The following MOB3A variants were observed in gnomAD, a reference collection of about 807,000 sequenced individuals.
MOB3A encodes MOB LAK.
MOB3A carries 17 observed loss-of-function variants against 17.8 expected under a neutral mutation model. The ratio of observed to expected loss-of-function variants is 0.95; its 90% CI spans 0.65 to 1.43. The LOEUF is 1.43. MOB3A is among the 40% of genes most tolerant of loss of function. The probability of loss-of-function intolerance (pLI) is 0.00; values close to 1 mark genes in which losing one functional copy is unlikely to be tolerated. For missense variants in MOB3A, 333 were observed against 310.8 expected (o/e 1.07, Z -0.54); for synonymous variants, 124 against 133.2 (o/e 0.93, Z 0.48).
chr19:2,073,431 A>G lies in MOB3A; in HGVS notation c.625-7T>C, dbSNP rs778716035. On this transcript the variant is annotated splice_region_variant and splice_polypyrimidine_tract_variant and intron_variant, in intron 4 of 4. Coordinates refer to ENST00000357066, the MANE Select transcript of MOB3A (RefSeq NM_130807.3). Reference sequence around the variant, plus strand: ...TCCGGGCGGTCATTTCTTTCTGTAAAGAGCAAGCAAGACATCAGCTCCCAC... The same window carrying G: ...TCCGGGCGGTCATTTCTTTCTGTAAGGAGCAAGCAAGACATCAGCTCCCAC... 1.9e-6 allele frequency: 3 copies of G among 1,613,776 alleles called. No homozygotes were observed. In the African/African-American group the frequency reaches 4.0e-5, roughly 22 times the overall value.
At position 2,093,904 on chromosome 19, in the gene MOB3A, T is replaced by C. The variant is rs908075390; in HGVS notation, c.-274+2322A>G. ...TAGTTCTCACTCTGTAATCGGTAGA[T>C]CTCAGTGAGTTCTAATAAACAGGTC... is the stretch of plus-strand genomic sequence containing the variant. On this transcript the variant is annotated intron_variant, in intron 1 of 4. Coordinates refer to ENST00000357066, the MANE Select transcript of MOB3A (RefSeq NM_130807.3). The surrounding 1 kb of genome is among the most constrained non-coding windows in gnomAD (Gnocchi z 4.6). Among the ~76,000 whole-genome samples the C allele has an allele frequency of 1.3e-5, 2 of 152,106 alleles. No individual in the cohort carries two copies. The highest frequency in any genetic ancestry group is 2.9e-5 in the Non-Finnish European group (2 of 68,016).
At position 2,085,367 on chromosome 19, in the gene MOB3A, G is replaced by A. The variant is rs549169840; in HGVS notation, c.-273-39C>T. The A allele has an allele frequency of 9.9e-4, 149 of 150,618 alleles. 1 individual carries two copies. Among genetic ancestry groups the A allele is most frequent in the African/African-American group, 3.4e-3 (138 of 41,090 alleles). 9.3% of individuals were successfully genotyped at this position (150,618 alleles called of 1,614,324 possible). A position where few individuals can be genotyped will look rare whatever the true frequency, so the allele number is the denominator to read the frequency against. On this transcript the variant is annotated intron_variant, in intron 1 of 4. Coordinates refer to ENST00000357066, the MANE Select transcript of MOB3A (RefSeq NM_130807.3). The stretch of plus-strand genomic sequence containing the variant: ...AGGTGAAATGACAAATTCCCCTGCT[G>A]CAACACTTTTTTTTTTTTTTTTTTT...
intron 1 of MOB3A, among the ~76,000 whole-genome samples, chr19:2,088,268 G>C (rs752875128): frequency 5.3e-5 from 8 of 152,172 alleles, no homozygotes; most frequent in Non-Finnish European, 1.2e-4. Context: ...AGCTTGTCCT[G>C]CGAGTGGCAA....
chr19:2,075,974 T>C (rs369600435), intron 4 of MOB3A, among the ~76,000 whole-genome samples: 2 of 151,814 alleles, frequency 1.3e-5, no homozygotes, highest in South Asian at 2.1e-4. Flanking sequence ...AATACAAAAA[T>C]TAGCGGGGTG....
At chr19:2,090,818 CG>C (rs2017605608) in intron 1 of MOB3A, among the ~76,000 whole-genome samples, 1 of 152,058 alleles carries the variant, frequency 6.6e-6, no homozygotes. Flanking sequence ...TGCCTGCAAC[CG>C]TGCTCAGCTA....
rs148051183 is a variant in MOB3A at position 2,073,220 on chromosome 19, G to T, written c.*175C>A. ...AGACTGAGGCTCGAGACTGAGGAAGGCATCTGCCGTCCGGGGTTGGAGCTC... is the reference window on the plus strand; with the variant it reads ...AGACTGAGGCTCGAGACTGAGGAAGTCATCTGCCGTCCGGGGTTGGAGCTC... On this transcript the variant is annotated 3_prime_UTR_variant, in exon 5 of 5. Transcript: ENST00000357066. The T allele has an allele frequency of 1.1e-5, 8 of 705,252 alleles. No individual in the cohort carries two copies. Among genetic ancestry groups the T allele is most frequent in the African/African-American group, 8.8e-5 (5 of 56,758 alleles). 43.7% of individuals were successfully genotyped at this position (705,252 alleles called of 1,614,324 possible).
chr19:2,086,472 T>C (rs1258785125), intron 1 of MOB3A, among the ~76,000 whole-genome samples: 1 of 151,540 alleles, frequency 6.6e-6, no homozygotes. Flanking sequence ...GCGATTCTCC[T>C]GGTCAGCCTC....
chr19:2,083,196 A>G (rs1290917986), intron 2 of MOB3A, among the ~76,000 whole-genome samples: 1 of 151,924 alleles, frequency 6.6e-6, no homozygotes, highest in Non-Finnish European at 1.5e-5. Context: ...CCAGCCTCAG[A>G]CCCTCCCTGG....
chr19:2,093,630 A>G lies in MOB3A; in HGVS notation c.-274+2596T>C, dbSNP rs1440582094. 2.0e-5 allele frequency among the ~76,000 whole-genome samples: 3 copies of G among 152,146 alleles called. No individual in the cohort carries two copies. The highest frequency in any genetic ancestry group is 2.9e-5 in the Non-Finnish European group (2 of 68,016). On this transcript the variant is annotated intron_variant, in intron 1 of 4. Coordinates refer to ENST00000357066, the MANE Select transcript of MOB3A (RefSeq NM_130807.3). This position sits in a 1 kb window ranked among gnomAD's most constrained non-coding sequence, Gnocchi z 4.6. ...CCAAAGTGCTGGGATTACAGGTATG[A>G]GCCACCCGCACCTGGCCAGCACATC...
rs113523502 is a variant in MOB3A, at chr19:2,082,483, C to T, written c.-120+2692G>A. On this transcript the variant is annotated intron_variant, in intron 2 of 4. Coordinates refer to ENST00000357066, the MANE Select transcript of MOB3A (RefSeq NM_130807.3). The surrounding 1 kb of genome is among the most constrained non-coding windows in gnomAD (Gnocchi z 4.1). ...TGACTGATTCTACAGCAGTGTCTCA[C>T]GCCACAGAGCTAGTGGGTGGATCGG... 8.1e-4 allele frequency among the ~76,000 whole-genome samples: 123 copies of T among 152,336 alleles called. 1 individual carries two copies. Among genetic ancestry groups the T allele is most frequent in the African/African-American group, 2.8e-3 (115 of 41,576 alleles).
chr19:2,094,041 CTTTTTTTTTT>C (rs1012593196), intron 1 of MOB3A, among the ~76,000 whole-genome samples: 1 of 113,224 alleles, frequency 8.8e-6, no homozygotes, highest in South Asian at 2.9e-4. Flanking sequence ...TATGTAAGTT[CTTTTTTTTTT>C]TTTTTTTTTT....
rs1223738936 is a variant in MOB3A at position 2,073,312 on chromosome 19, G to A, written c.*83C>T. On this transcript the variant is annotated 3_prime_UTR_variant, in exon 5 of 5. Transcript: ENST00000357066. ...CCTGAGATGCTCAGGCCGGAGAGAAGCGGGATGATGGTTCCAGAGCGTCCT... is the reference window on the plus strand; with the variant it reads ...CCTGAGATGCTCAGGCCGGAGAGAAACGGGATGATGGTTCCAGAGCGTCCT... 2 of 1,548,348 alleles carry A rather than the reference G, an allele frequency of 1.3e-6. No homozygotes were observed. The highest frequency in any genetic ancestry group is 1.8e-6 in the Non-Finnish European group (2 of 1,126,232).
At chr19:2,087,953 G>A (rs1296601703) in intron 1 of MOB3A, among the ~76,000 whole-genome samples, 3 of 152,230 alleles carry the variant, frequency 2.0e-5, no homozygotes, top group African/African-American at 4.8e-5. Flanking sequence ...GTGGGGGCAG[G>A]AGCCATGCTC....
intron 2 of MOB3A, among the ~76,000 whole-genome samples, chr19:2,083,139 G>A (rs2017510483): frequency 1.3e-5 from 2 of 152,244 alleles, no homozygotes; most frequent in African/African-American, 4.8e-5. Context: ...GAGCCACTGT[G>A]CCTGGCCACC....
intron 1 of MOB3A, among the ~76,000 whole-genome samples, chr19:2,089,571 G>C (rs1020495293): frequency 6.6e-6 from 1 of 150,856 alleles, no homozygotes; most frequent in Non-Finnish European, 1.5e-5. Context: ...ACACCTCTTG[G>C]GTTAGGGGAT....
At chr19:2,084,103 T>C (rs1286614683) in intron 2 of MOB3A, 1 of 490,464 alleles carries the variant, frequency 2.0e-6, no homozygotes. Flanking sequence ...CCTTTTAAGC[T>C]TGTCTACCAG....
intron 3 of MOB3A, among the ~76,000 whole-genome samples, 179 bp from the exon 4 acceptor site, chr19:2,077,192 G>A (rs1327051188): frequency 6.6e-6 from 1 of 152,142 alleles, no homozygotes; most frequent in Non-Finnish European, 1.5e-5. Flanking sequence ...CTTGAGGTCT[G>A]GAGTTCGAGA....
At chr19:2,090,819 G>A (rs927751861) in intron 1 of MOB3A, among the ~76,000 whole-genome samples, 4 of 151,934 alleles carry the variant, frequency 2.6e-5, no homozygotes, top group African/African-American at 7.3e-5. Flanking sequence ...GCCTGCAACC[G>A]TGCTCAGCTA....
chr19:2,088,191 C>A (rs929168634), intron 1 of MOB3A, among the ~76,000 whole-genome samples: 43 of 152,326 alleles, frequency 2.8e-4, no homozygotes, highest in African/African-American at 9.9e-4. Context: ...CAGTGCCCTG[C>A]AGTGCCCAGG....
Sources: allele counts gnomAD v4.1 joint callset (sites outside exome capture counted in the v4.1 genomes callset), GRCh38; gene constraint gnomAD v4.1.1; non-coding constraint Gnocchi (gnomAD v3.1); transcripts MANE v1.5; gene names NCBI Gene and HGNC (gene_info 2026-07-23, HGNC 2026-07-21).